UTP25: variants seen among roughly 807,000 people sequenced by gnomAD.
UTP25 encodes U3 small nucleolar RNA-associated protein 25 homolog.
A neutral mutation model predicts 78.9 loss-of-function variants in UTP25; 50 were observed. The ratio of observed to expected loss-of-function variants is 0.63; its 90% CI spans 0.50 to 0.80. The LOEUF (loss-of-function observed/expected upper bound fraction) is 0.80. UTP25 is among the 30% of genes least tolerant of loss of function. The pLI, the probability that UTP25 is intolerant of heterozygous loss-of-function variation, is 0.00. For missense variants in UTP25, 846 were observed against 911.3 expected (o/e 0.93, Z 0.92); for synonymous variants, 329 against 336.5 (o/e 0.98, Z 0.24).
intron 8 of UTP25, among the ~76,000 whole-genome samples, chr1:209,841,797 T>C (rs1006940925): frequency 1.2e-4 from 19 of 152,192 alleles, no homozygotes; most frequent in Admixed American, 7.9e-4. Flanking sequence ...TATTACAAGG[T>C]AAAAATATAA....
intron 1 of UTP25, among the ~76,000 whole-genome samples, chr1:209,829,105 ATGAT>A (rs1450976524): frequency 1.3e-5 from 2 of 152,220 alleles, no homozygotes; most frequent in Non-Finnish European, 2.9e-5. Flanking sequence ...CTTACATAAA[ATGAT>A]TGTACATATT....
chr1:209,843,305 A>G (rs2078177720), intron 10 of UTP25, 146 bp from the exon 11 acceptor site: 1 of 917,036 alleles, frequency 1.1e-6, no homozygotes, highest in East Asian at 2.6e-5. Context: ...TCCTTACATA[A>G]TCTCTTTGAG....
intron 6 of UTP25, 57 bp downstream of exon 6, chr1:209,837,268 G>A (rs531145320): frequency 6.4e-7 from 1 of 1,555,080 alleles, no homozygotes; most frequent in African/African-American, 1.4e-5. Context: ...CACTGCCATA[G>A]AGGTGCCTGA....
In UTP25 at chr1:209,842,312, A is replaced by G. The variant is rs773669829; in HGVS notation, c.1533A>G (p.Val511=). ...TACTACCCCTGGACTCACATGGGGT[A>G]GACTTTTCTCGAGTGCGGATGTGGA... ...MNLLPLDSHG[V]DFSRVRMWSL... The change falls in exon 9 of 12, where the codon GTA becomes GTG. Residue 511 remains valine (V), a synonymous_variant. Coordinates refer to ENST00000491415, the MANE Select transcript of UTP25 (RefSeq NM_014388.7). 1.9e-6 allele frequency: 3 copies of G among 1,614,092 alleles called. No individual in the cohort carries two copies. Among genetic ancestry groups the G allele is most frequent in the Non-Finnish European group, 2.5e-6 (3 of 1,179,956 alleles).
At chr1:209,845,799 C>T (rs907690829) in intron 11 of UTP25, among the ~76,000 whole-genome samples, 1 of 95,852 alleles carries the variant, frequency 1.0e-5, no homozygotes, top group African/African-American at 5.1e-5. Context: ...TGTGCAGTGC[C>T]TTTGTGATTT....
chr1:209,849,369 G>A (rs1380015342), intron 11 of UTP25, among the ~76,000 whole-genome samples: 3 of 152,064 alleles, frequency 2.0e-5, no homozygotes, highest in Non-Finnish European at 4.4e-5. Flanking sequence ...CTCTGGGGCA[G>A]AATGCTTTTT....
In UTP25 at chr1:209,838,227, T is replaced by C. The variant is rs184431108; in HGVS notation, c.1063-682T>C. On this transcript the variant is annotated intron_variant, in intron 6 of 11. Coordinates refer to ENST00000491415, the MANE Select transcript of UTP25 (RefSeq NM_014388.7). ...GGTGAATTACGTGATTTAACTGGGG[T>C]TATGTCCATTGTTTACAATAGGAAA... is the stretch of plus-strand genomic sequence containing the variant. 2.6e-5 allele frequency among the ~76,000 whole-genome samples: 4 copies of C among 152,372 alleles called. No homozygotes were observed. In the East Asian group the frequency reaches 7.7e-4, roughly 29 times the overall value.
At chr1:209,845,672 G>A (rs985567790) in intron 11 of UTP25, among the ~76,000 whole-genome samples, 1 of 152,116 alleles carries the variant, frequency 6.6e-6, no homozygotes, top group Non-Finnish European at 1.5e-5. Flanking sequence ...TGTTTCTTTT[G>A]TAGAAGATGA....
At position 209,854,059 on chromosome 1, in the gene UTP25, G is replaced by A. The variant is rs1209310239; in HGVS notation, c.*2612G>A. 1 of 152,130 alleles carries A rather than the reference G, an allele frequency of 6.6e-6. No homozygotes were observed. Among genetic ancestry groups the A allele is most frequent in the African/African-American group, 2.4e-5 (1 of 41,412 alleles). 9.4% of individuals were successfully genotyped at this position (152,130 alleles called of 1,614,324 possible). A position where few individuals can be genotyped will look rare whatever the true frequency, so the allele number is the denominator to read the frequency against. The stretch of plus-strand genomic sequence containing the variant: ...TATTAAAAGGATGCCTTGAAGATCT[G>A]GTCTCTCTCAACACACAATAAGCGA... On this transcript the variant is annotated 3_prime_UTR_variant, in exon 12 of 12. Transcript: ENST00000491415.
chr1:209,830,254 G>A (rs2102566953), intron 2 of UTP25, 107 bp downstream of exon 2: 1 of 1,034,570 alleles, frequency 9.7e-7, no homozygotes, highest in South Asian at 1.6e-5. Context: ...GATTTCAGAT[G>A]CAAGCTATTA....
At position 209,851,614 on chromosome 1, in the gene UTP25, AAAGTT is replaced by A. The variant is rs2078239403; in HGVS notation, c.*170_*174del. On this transcript the variant is annotated 3_prime_UTR_variant, in exon 12 of 12. Transcript: ENST00000491415. ...TTCTTTTCAGGTCATGTGTCCCTGA[AAAGTT>A]AAATGTAAACCAGATTTTGGTAAAT... The A allele has an allele frequency of 1.1e-6, 1 of 902,388 alleles. No individual in the cohort carries two copies. Among genetic ancestry groups the A allele is most frequent in the Admixed American group, 3.6e-5 (1 of 27,462 alleles). 55.9% of individuals were successfully genotyped at this position (902,388 alleles called of 1,614,324 possible).
At position 209,851,609 on chromosome 1, in the gene UTP25, C is replaced by T; in HGVS notation, c.*162C>T. 1 of 940,592 alleles carries T rather than the reference C, an allele frequency of 1.1e-6. No homozygotes were observed. The highest frequency in any genetic ancestry group is 1.5e-6 in the Non-Finnish European group (1 of 681,394). 58.3% of individuals were successfully genotyped at this position (940,592 alleles called of 1,614,324 possible). A position where few individuals can be genotyped will look rare whatever the true frequency, so the allele number is the denominator to read the frequency against. On this transcript the variant is annotated 3_prime_UTR_variant, in exon 12 of 12. Coordinates refer to ENST00000491415, the MANE Select transcript of UTP25 (RefSeq NM_014388.7). ...CATCTTTCTTTTCAGGTCATGTGTCCCTGAAAAGTTAAATGTAAACCAGAT... is the reference window on the plus strand; with the variant it reads ...CATCTTTCTTTTCAGGTCATGTGTCTCTGAAAAGTTAAATGTAAACCAGAT...
chr1:209,837,458 A>G (rs1384594048), intron 6 of UTP25, among the ~76,000 whole-genome samples: 1 of 152,214 alleles, frequency 6.6e-6, no homozygotes, highest in East Asian at 1.9e-4. Context: ...CACTTTCCTT[A>G]AAGATAAACC....
At chr1:209,828,195 C>T (rs777710280) in intron 1 of UTP25, 25 bp downstream of exon 1, 2 of 1,576,826 alleles carry the variant, frequency 1.3e-6, no homozygotes, top group Non-Finnish European at 1.7e-6. Flanking sequence ...GGCAGGGCTC[C>T]CCAGTCGCCA....
In UTP25 at chr1:209,837,078, A is replaced by G. The variant is rs1158317269; in HGVS notation, c.929A>G (p.Tyr310Cys). The G allele has an allele frequency of 3.1e-6, 5 of 1,614,154 alleles. No individual in the cohort carries two copies. Among genetic ancestry groups the G allele is most frequent in the Non-Finnish European group, 3.4e-6 (4 of 1,179,996 alleles). ...LKNGEEIRHVYCLHVINHILK... is the reference protein window; with the variant it reads ...LKNGEEIRHVCCLHVINHILK... The stretch of plus-strand genomic sequence containing the variant: ...AACGGGGAAGAGATCCGCCATGTGT[A>G]TTGCCTGCATGTGATAAATCACATC... Residue 310 changes from tyrosine to cysteine, a missense_variant, in exon 6 of 12, where the codon TAT (tyrosine) becomes TGT (cysteine). Physicochemically the swap from Tyr to Cys is radical, Grantham distance 194. Transcript: ENST00000491415.
At chr1:209,839,187 C>T (rs1572003908) in intron 7 of UTP25, 59 bp downstream of exon 7, 2 of 1,451,860 alleles carry the variant, frequency 1.4e-6, no homozygotes, top group African/African-American at 1.4e-5. Flanking sequence ...AGCTGGAGAC[C>T]AGAAGCTGGA....
intron 11 of UTP25, among the ~76,000 whole-genome samples, chr1:209,848,951 A>AT (rs1402761254): frequency 6.6e-6 from 1 of 152,048 alleles, no homozygotes; most frequent in Non-Finnish European, 1.5e-5. Context: ...CAGACCTCAA[A>AT]TTCCTCCAGC....
chr1:209,851,006 C>T (rs1044718446), intron 11 of UTP25, among the ~76,000 whole-genome samples, 198 bp from the exon 12 acceptor site: 4 of 152,112 alleles, frequency 2.6e-5, no homozygotes, highest in East Asian at 3.9e-4. Context: ...ATTAGGAATT[C>T]GAATATGTTG....
chr1:209,837,157 G>C lies in UTP25; in HGVS notation c.1008G>C (p.Lys336Asn). The C allele has an allele frequency of 6.2e-7, 1 of 1,614,144 alleles. No homozygotes were observed. The highest frequency in any genetic ancestry group is 8.5e-7 in the Non-Finnish European group (1 of 1,180,012). Residue 336 changes from lysine (K) to asparagine (N), a missense_variant, in exon 6 of 12, where the codon AAG becomes AAC. Lys to Asn is a moderately conservative substitution (Grantham distance 94). Coordinates refer to ENST00000491415, the MANE Select transcript of UTP25 (RefSeq NM_014388.7). ...ACAATAGCAGACGCCGAAGCCAGAA[G>C]TTTGGAGTGGGTGATGATGATGACT... ...LGNNSRRRSQ[K>N]FGVGDDDDFR...
Sources: allele counts gnomAD v4.1 joint callset (sites outside exome capture counted in the v4.1 genomes callset), GRCh38; gene constraint gnomAD v4.1.1; transcripts MANE v1.5; gene names NCBI Gene and HGNC (gene_info 2026-07-23, HGNC 2026-07-21).